CAPZA2: variants seen among roughly 807,000 people sequenced by gnomAD.
CAPZA2 encodes F-actin-capping protein subunit alpha-2.
CAPZA2 carries 13 observed loss-of-function variants against 44.0 expected under a neutral mutation model. That is an observed-to-expected ratio of 0.30 (90% confidence interval 0.19 to 0.47). The LOEUF is 0.47. CAPZA2 is among the 20% of genes least tolerant of loss of function. CAPZA2 has a pLI of 1.00. For missense variants in CAPZA2, 244 were observed against 338.6 expected, an observed-to-expected ratio of 0.72 and a Z score of 2.19; for synonymous variants, 94 against 108.2, an observed-to-expected ratio of 0.87 and a Z score of 0.81.
At chr7:116,900,547 G>A (rs1796982248) in intron 4 of CAPZA2, among the ~76,000 whole-genome samples, 1 of 151,892 alleles carries the variant, frequency 6.6e-6, no homozygotes, top group Admixed American at 6.6e-5. Flanking sequence ...GAGTGGGCCA[G>A]GGAATTCAAT....
In CAPZA2 at chr7:116,910,065, G is replaced by A. The variant is rs1791570660; in HGVS notation, c.507-168G>A. The A allele has an allele frequency of 8.0e-6, 5 of 627,872 alleles. No homozygotes were observed. In the Admixed American group the frequency reaches 1.2e-4, roughly 15 times the overall value. 38.9% of individuals were successfully genotyped at this position (627,872 alleles called of 1,614,324 possible). A position where few individuals can be genotyped will look rare whatever the true frequency, so the allele number is the denominator to read the frequency against. On this transcript the variant is annotated intron_variant, in intron 6 of 9. Coordinates refer to ENST00000361183, the MANE Select transcript of CAPZA2 (RefSeq NM_006136.3). Reference sequence around the variant, plus strand: ...TGAAAATTAAATATGTATCATAACTGGACTTAACCTTTTGATTATTTTTGA... The same window carrying A: ...TGAAAATTAAATATGTATCATAACTAGACTTAACCTTTTGATTATTTTTGA...
chr7:116,893,823 A>G lies in CAPZA2; in HGVS notation c.155+778A>G, dbSNP rs565715819. The stretch of plus-strand genomic sequence containing the variant: ...GATTTAAAGAAGTAGGCAATTCTAA[A>G]TCTTAATACATCGTCTTTGCACCAG... On this transcript the variant is annotated intron_variant, in intron 3 of 9. Transcript: ENST00000361183. Among the ~76,000 whole-genome samples, 46 of 152,288 alleles carry G rather than the reference A, an allele frequency of 3.0e-4. 1 individual carries two copies. The South Asian group carries it at 9.5e-3, about 32-fold the overall frequency.
chr7:116,898,889 C>T (rs1796959895), intron 4 of CAPZA2, 54 bp downstream of exon 4: 1 of 1,056,088 alleles, frequency 9.5e-7, no homozygotes, highest in Non-Finnish European at 1.4e-6. Context: ...TTAAGGTATC[C>T]TGCAAGAGCT....
At chr7:116,864,052 G>A (rs556822991) in intron 1 of CAPZA2, among the ~76,000 whole-genome samples, 56 of 152,182 alleles carry the variant, frequency 3.7e-4, no homozygotes, top group African/African-American at 1.3e-3. Flanking sequence ...GCAGATCCCC[G>A]TATCCACAAA....
intron 2 of CAPZA2, among the ~76,000 whole-genome samples, chr7:116,891,922 T>C (rs1300585569): frequency 3.3e-5 from 5 of 152,208 alleles, no homozygotes; most frequent in African/African-American, 9.6e-5. Flanking sequence ...TTCATAGTCA[T>C]TGTAAACTTT....
chr7:116,891,572 C>T (rs1227684920), intron 2 of CAPZA2, among the ~76,000 whole-genome samples: 1 of 152,252 alleles, frequency 6.6e-6, no homozygotes, highest in Non-Finnish European at 1.5e-5. Context: ...AGTGCAGTGG[C>T]GTGATCTCGG....
chr7:116,896,973 C>T (rs1386750865), intron 3 of CAPZA2, among the ~76,000 whole-genome samples: 5 of 152,122 alleles, frequency 3.3e-5, no homozygotes, highest in Non-Finnish European at 7.4e-5. Context: ...ACCTTTTCCA[C>T]TGTACTGTGT....
Position 116,921,334 on chromosome 7 carries a change from A to T in CAPZA2, c.*3467A>T, listed in dbSNP as rs1245895509. ...GATGCGAAGGTTGCAGTGAGCCGAG[A>T]TTGTGCCACTGCACTCCAGGCTGGC... On this transcript the variant is annotated 3_prime_UTR_variant, in exon 10 of 10. Transcript: ENST00000361183. 4 of 149,498 alleles carry T rather than the reference A, an allele frequency of 2.7e-5. No homozygotes were observed. Among genetic ancestry groups the T allele is most frequent in the Non-Finnish European group, 5.9e-5 (4 of 68,028 alleles). The allele number at this position is 149,498 out of a possible 1,614,324, so 9.3% of individuals were successfully genotyped here.
intron 4 of CAPZA2, 33 bp from the exon 5 acceptor site, chr7:116,904,144 T>A (rs777452136): frequency 6.5e-6 from 9 of 1,377,088 alleles, no homozygotes; most frequent in African/African-American, 2.9e-5. Context: ...GCTGTTTTTT[T>A]ATTTTTTTTC....
chr7:116,890,397 A>G (rs912674582), intron 2 of CAPZA2, among the ~76,000 whole-genome samples: 5 of 150,424 alleles, frequency 3.3e-5, no homozygotes, highest in African/African-American at 9.8e-5. Flanking sequence ...AAGGGTGGGC[A>G]TGGTGGCTCA....
intron 3 of CAPZA2, among the ~76,000 whole-genome samples, chr7:116,895,337 T>G (rs1364030973): frequency 1.3e-5 from 2 of 151,720 alleles, no homozygotes; most frequent in Admixed American, 1.3e-4. Context: ...TATGGGACTT[T>G]TATTTGTCCA....
intron 1 of CAPZA2, chr7:116,885,951 G>A (rs944193912): frequency 6.5e-6 from 1 of 154,208 alleles, no homozygotes; most frequent in African/African-American, 2.4e-5. Flanking sequence ...AGGTTAGGAG[G>A]TGGGTCAGAA....
In CAPZA2 at chr7:116,913,058, T is replaced by C. The variant is rs550241224; in HGVS notation, c.657+918T>C. On this transcript the variant is annotated intron_variant, in intron 8 of 9. Transcript: ENST00000361183. ...GATTTTGAGCATCTTTTCTTGTGCT[T>C]ATGATCATTTGTATATCTTTTGGGG... Among the ~76,000 whole-genome samples, 8 of 152,340 alleles carry C rather than the reference T, an allele frequency of 5.3e-5. No individual in the cohort carries two copies. In the East Asian group the frequency reaches 1.3e-3, roughly 26 times the overall value.
rs924023922 is a variant in CAPZA2, at chr7:116,919,494, A to G, written c.*1627A>G. On this transcript the variant is annotated 3_prime_UTR_variant, in exon 10 of 10. Transcript: ENST00000361183. ...GTCATCAATTTCCTATCTCTGTTCT[A>G]GTCTGGAATGCATTACTGAAAATGT... is the stretch of plus-strand genomic sequence containing the variant. The G allele has an allele frequency of 6.6e-6, 1 of 152,000 alleles. No individual in the cohort carries two copies. Among genetic ancestry groups the G allele is most frequent in the Admixed American group, 6.6e-5 (1 of 15,230 alleles). The allele number at this position is 152,000 out of a possible 1,614,324, so 9.4% of individuals were successfully genotyped here.
chr7:116,917,390 G>A (rs1367852242), intron 9 of CAPZA2, among the ~76,000 whole-genome samples: 1 of 152,134 alleles, frequency 6.6e-6, no homozygotes, highest in Non-Finnish European at 1.5e-5. Context: ...GAGTAGCCGG[G>A]ACTACAGACG....
At chr7:116,914,064 T>C (rs536800560) in intron 8 of CAPZA2, among the ~76,000 whole-genome samples, 4 of 150,262 alleles carry the variant, frequency 2.7e-5, no homozygotes, top group African/African-American at 9.8e-5. Context: ...GTCTCGCTCT[T>C]TCGCCCAGGC....
intron 1 of CAPZA2, among the ~76,000 whole-genome samples, chr7:116,876,673 G>A (rs974238825): frequency 1.1e-4 from 17 of 152,348 alleles, no homozygotes; most frequent in African/African-American, 3.8e-4. Flanking sequence ...AGGTAAGTGA[G>A]ATCTTGTTTT....
Position 116,920,556 on chromosome 7 carries a change from G to T in CAPZA2, c.*2689G>T. On this transcript the variant is annotated 3_prime_UTR_variant, in exon 10 of 10. Coordinates refer to ENST00000361183, the MANE Select transcript of CAPZA2 (RefSeq NM_006136.3). ...GGGAGAGTTTGGTCATGGAGTGTGA[G>T]ATAAAGAGAACCATGTCTGGGGCTG... is the stretch of plus-strand genomic sequence containing the variant. 1 of 152,514 alleles carries T rather than the reference G, an allele frequency of 6.6e-6. No individual in the cohort carries two copies. The highest frequency in any genetic ancestry group is 1.5e-5 in the Non-Finnish European group (1 of 68,194). The allele number at this position is 152,514 out of a possible 1,614,324, so 9.4% of individuals were successfully genotyped here.
In CAPZA2 at chr7:116,892,975, T is replaced by C; in HGVS notation, c.104-19T>C. 6.4e-7 allele frequency: 1 copy of C among 1,553,742 alleles called. No individual in the cohort carries two copies. Among genetic ancestry groups the C allele is most frequent in the South Asian group, 1.1e-5 (1 of 87,584 alleles). On this transcript the variant is annotated intron_variant, in intron 2 of 9. Transcript: ENST00000361183. ...AAACATATAACAATAATAATGTAGA[T>C]AACATAATTGTTTTGCAGATGTTCG...
Sources: allele counts gnomAD v4.1 joint callset (sites outside exome capture counted in the v4.1 genomes callset), GRCh38; gene constraint gnomAD v4.1.1; transcripts MANE v1.5; gene names NCBI Gene and HGNC (gene_info 2026-07-23, HGNC 2026-07-21).